The following TGFBR3 variants were observed in gnomAD, a reference collection of about 807,000 sequenced individuals.
The protein encoded by TGFBR3 is transforming growth factor beta receptor 3, also known as transforming growth factor beta receptor type 3.
In TGFBR3, 46 loss-of-function variants were observed where a neutral mutation model predicts 87.9. The observed-to-expected ratio is 0.52, with a 90% CI of 0.41 to 0.67. The LOEUF (loss-of-function observed/expected upper bound fraction) is 0.67, where lower values mean the gene tolerates loss of function less well. Among genes scored for constraint, TGFBR3 ranks in the 30% least tolerant of loss-of-function variants. TGFBR3 has a pLI of 0.00. For missense variants in TGFBR3, 866 were observed against 1,041.9 expected (o/e 0.83, Z 2.32); for synonymous variants, 381 against 391.6 (o/e 0.97, Z 0.32).
chr1:91,784,320 AG>A (rs1674880074), intron 3 of TGFBR3, among the ~76,000 whole-genome samples: 1 of 152,184 alleles, frequency 6.6e-6, no homozygotes, highest in African/African-American at 2.4e-5. Context: ...ACTATGCAAA[AG>A]GAAAGTCATT....
intron 4 of TGFBR3, among the ~76,000 whole-genome samples, chr1:91,756,424 T>A (rs1216648452): frequency 6.6e-6 from 1 of 152,124 alleles, no homozygotes; most frequent in Non-Finnish European, 1.5e-5. Context: ...TAGGTTTGAG[T>A]ACCAACTCTG....
chr1:91,826,360 C>T (rs752470503), intron 2 of TGFBR3, among the ~76,000 whole-genome samples: 30 of 152,136 alleles, frequency 2.0e-4, no homozygotes, highest in Non-Finnish European at 2.8e-4. Flanking sequence ...TTTTAAGTCC[C>T]GCTCACATTT....
intron 16 of TGFBR3, among the ~76,000 whole-genome samples, chr1:91,692,511 A>C (rs1429735866): frequency 1.3e-5 from 2 of 152,182 alleles, no homozygotes; most frequent in African/African-American, 2.4e-5. Flanking sequence ...TCCTCCCTTC[A>C]AGAAAAAAAC....
intron 2 of TGFBR3, among the ~76,000 whole-genome samples, chr1:91,839,396 T>C (rs181841515): frequency 4.6e-4 from 70 of 152,304 alleles, no homozygotes; most frequent in African/African-American, 1.7e-3. Flanking sequence ...ACATAATAAA[T>C]TTTTCATACT....
chr1:91,720,046 C>T lies in TGFBR3; in HGVS notation c.1260G>A (p.Gly420=), dbSNP rs2100782227. Residue 420 remains glycine (G), a synonymous_variant, in exon 9 of 17, where the codon GGG becomes GGA. Transcript: ENST00000212355. ...TGACAGGGTCCTTTGGCCGAGGGAG[C>T]CCATCTTCTCCCTCTTCATTCCAGA... The part of the protein sequence containing the change: ...RRVWNEEGED[G]LPRPKDPVIP... 13 of 1,614,194 alleles carry T rather than the reference C, an allele frequency of 8.1e-6. 1 individual carries two copies. The highest frequency in any genetic ancestry group is 2.2e-5 in the East Asian group (1 of 44,882).
intron 14 of TGFBR3, 41 bp from the exon 15 acceptor site, chr1:91,698,171 C>T: frequency 1.3e-6 from 2 of 1,578,886 alleles, no homozygotes; most frequent in Admixed American, 3.3e-5. Context: ...CTATGGAGAA[C>T]CAAGATTTAA....
chr1:91,775,979 G>T (rs1382185714), intron 3 of TGFBR3, among the ~76,000 whole-genome samples: 1 of 152,216 alleles, frequency 6.6e-6, no homozygotes, highest in Admixed American at 6.5e-5. Context: ...TCCAGTAAGA[G>T]AATTGTTTGT....
intron 3 of TGFBR3, among the ~76,000 whole-genome samples, chr1:91,781,242 C>A (rs921938006): frequency 6.6e-6 from 1 of 152,130 alleles, no homozygotes; most frequent in African/African-American, 2.4e-5. Context: ...AGTTACTCAG[C>A]AGCAAAAAGG....
At chr1:91,821,869 T>G (rs1388823014) in intron 2 of TGFBR3, among the ~76,000 whole-genome samples, 2 of 152,238 alleles carry the variant, frequency 1.3e-5, no homozygotes, top group Non-Finnish European at 2.9e-5. Flanking sequence ...GGTCAATAAA[T>G]GGCAGCTTTT....
At position 91,769,308 on chromosome 1, in the gene TGFBR3, T is replaced by C. The variant is rs551722224; in HGVS notation, c.247-10558A>G. On this transcript the variant is annotated intron_variant, in intron 3 of 16. Transcript: ENST00000212355. Reference sequence around the variant, plus strand: ...TCCTATGGAAGGAAGCTCTTGTCTATACCATCCTCCATTGAGGCTTCAAGT... The same window carrying C: ...TCCTATGGAAGGAAGCTCTTGTCTACACCATCCTCCATTGAGGCTTCAAGT... 1.3e-4 allele frequency among the ~76,000 whole-genome samples: 20 copies of C among 152,266 alleles called. No individual in the cohort carries two copies. In the East Asian group the frequency reaches 3.5e-3, roughly 26 times the overall value.
At chr1:91,842,143 T>C (rs1354905270) in intron 2 of TGFBR3, among the ~76,000 whole-genome samples, 3 of 151,242 alleles carry the variant, frequency 2.0e-5, no homozygotes, top group Non-Finnish European at 2.9e-5. Context: ...AAGAAAAAGC[T>C]GCACCAGAGC....
chr1:91,692,046 G>A (rs1483355361), intron 16 of TGFBR3, among the ~76,000 whole-genome samples: 3 of 152,104 alleles, frequency 2.0e-5, no homozygotes, highest in Non-Finnish European at 2.9e-5. Flanking sequence ...TAATGGGGTA[G>A]GGTGGGGAAA....
At chr1:91,824,714 C>A (rs1571547301) in intron 2 of TGFBR3, among the ~76,000 whole-genome samples, 3 of 152,316 alleles carry the variant, frequency 2.0e-5, no homozygotes, top group East Asian at 3.9e-4. Context: ...GTAATCCCAG[C>A]ACTTTGAGAG....
At chr1:91,706,134 G>A (rs1257559741) in intron 14 of TGFBR3, among the ~76,000 whole-genome samples, 7 of 152,280 alleles carry the variant, frequency 4.6e-5, no homozygotes, top group African/African-American at 1.4e-4. Context: ...GATGGAATCC[G>A]AGGTAGCTGC....
At chr1:91,831,539 C>T (rs1676857526) in intron 2 of TGFBR3, among the ~76,000 whole-genome samples, 1 of 152,200 alleles carries the variant, frequency 6.6e-6, no homozygotes, top group Admixed American at 6.5e-5. Flanking sequence ...GTCCCTAATT[C>T]GCAGTGTAAC....
rs1024131107 is a variant in TGFBR3, at chr1:91,826,892, A to G, written c.62-29421T>C. ...CACTTAGTCAACCACTGCAAGTCACATATTTTGCAAGAACGGAAAAGCGAT... is the reference window on the plus strand; with the variant it reads ...CACTTAGTCAACCACTGCAAGTCACGTATTTTGCAAGAACGGAAAAGCGAT... On this transcript the variant is annotated intron_variant, in intron 2 of 16. Transcript: ENST00000212355. 5.1e-4 allele frequency among the ~76,000 whole-genome samples: 78 copies of G among 152,156 alleles called. 1 individual carries two copies. Among genetic ancestry groups the G allele is most frequent in the African/African-American group, 1.8e-3 (73 of 41,428 alleles).
chr1:91,681,966 G>C lies in TGFBR3; in HGVS notation c.*1773C>G, dbSNP rs1201973764. 2.2e-6 allele frequency: 1 copy of C among 453,054 alleles called. No individual in the cohort carries two copies. Among genetic ancestry groups the C allele is most frequent in the Admixed American group, 2.4e-5 (1 of 42,450 alleles). The allele number at this position is 453,054 out of a possible 1,614,324, so 28.1% of individuals were successfully genotyped here. ...TTCTTCGTTTGTATATGGAAATCTA[G>C]AAATTTTTCAGTAGATCAATGTAGA... On this transcript the variant is annotated 3_prime_UTR_variant, in exon 17 of 17. Coordinates refer to ENST00000212355, the MANE Select transcript of TGFBR3 (RefSeq NM_003243.5).
chr1:91,886,594 TATA>T (rs1043433746), upstream of TGFBR3, among the ~76,000 whole-genome samples: 4 of 152,178 alleles, frequency 2.6e-5, no homozygotes, highest in Non-Finnish European at 5.9e-5. Flanking sequence ...TTGGTCTTTA[TATA>T]AAAGTTCTGA....
intron 2 of TGFBR3, among the ~76,000 whole-genome samples, chr1:91,801,629 C>T (rs1675631597): frequency 6.6e-6 from 1 of 152,140 alleles, no homozygotes; most frequent in Admixed American, 6.5e-5. Flanking sequence ...GCAACTATTG[C>T]AAAATGCTAA....
Sources: gnomAD v4.1 joint callset for allele counts (sites outside exome capture counted in the v4.1 genomes callset) on GRCh38, gnomAD v4.1.1 for gene constraint, MANE v1.5 for transcripts, NCBI Gene and HGNC (gene_info 2026-07-23, HGNC 2026-07-21) for gene names.